The following KIF26B variants were observed in gnomAD, a reference collection of about 807,000 sequenced individuals.
KIF26B encodes kinesin family member 26B.
KIF26B carries 63 observed loss-of-function variants against 151.2 expected under a neutral mutation model. That is an observed-to-expected ratio of 0.42 (90% confidence interval 0.34 to 0.51). The LOEUF (loss-of-function observed/expected upper bound fraction) is 0.51. Ranked by LOEUF, KIF26B falls within the 20% of genes least tolerant of loss-of-function variation. The probability of loss-of-function intolerance (pLI) is 0.07; values close to 1 mark genes in which losing one functional copy is unlikely to be tolerated. For missense variants in KIF26B, 2,813 were observed against 2,913.6 expected (o/e 0.97, Z 0.79); for synonymous variants, 1,357 against 1,262.1 (o/e 1.08, Z -1.59).
At chr1:245,586,909 A>AAC (rs59105829) in intron 5 of KIF26B, among the ~76,000 whole-genome samples, 5 of 147,042 alleles carry the variant, frequency 3.4e-5, no homozygotes, top group Admixed American at 1.3e-4. Context: ...AAAAAAAAAA[A>AAC]CATCAAACAA....
intron 2 of KIF26B, among the ~76,000 whole-genome samples, chr1:245,332,692 T>C (rs545569737): frequency 2.2e-4 from 33 of 152,290 alleles, no homozygotes; most frequent in Non-Finnish European, 3.8e-4. Flanking sequence ...ATGTGTGTCA[T>C]GCTTTGCACA....
At chr1:245,283,401 A>G (rs1671100950) in intron 2 of KIF26B, among the ~76,000 whole-genome samples, 1 of 151,968 alleles carries the variant, frequency 6.6e-6, no homozygotes, top group Admixed American at 6.6e-5. Flanking sequence ...CCCCTAAACC[A>G]TTCATGATGA....
chr1:245,387,355 C>T (rs559111723), intron 3 of KIF26B, among the ~76,000 whole-genome samples: 17 of 139,832 alleles, frequency 1.2e-4, no homozygotes, highest in South Asian at 2.4e-4. Flanking sequence ...ATTAGAGATG[C>T]GGTTTTACCA....
rs1201570093 is a variant in KIF26B, at chr1:245,709,129, CCCTTGGCAGGCTAGTTTTGTGCATGGG to C, written c.*6528_*6554del. On this transcript the variant is annotated 3_prime_UTR_variant, in exon 15 of 15. Coordinates refer to ENST00000407071, the MANE Select transcript of KIF26B (RefSeq NM_018012.4). Reference sequence around the variant, plus strand: ...CTGTACTTGGGCAGGTCCCAGCAGCCCCTTGGCAGGCTAGTTTTGTGCATGGGCCTTTGCAAGCTATATAAACGTTAG... The same window carrying C: ...CTGTACTTGGGCAGGTCCCAGCAGCCCCTTTGCAAGCTATATAAACGTTAG... 1 of 152,174 alleles carries C rather than the reference CCCTTGGCAGGCTAGTTTTGTGCATGGG, an allele frequency of 6.6e-6. No homozygotes were observed. The highest frequency in any genetic ancestry group is 1.5e-5 in the Non-Finnish European group (1 of 68,032). The allele number at this position is 152,174 out of a possible 1,614,324, so 9.4% of individuals were successfully genotyped here. A position where few individuals can be genotyped will look rare whatever the true frequency, so the allele number is the denominator to read the frequency against.
At chr1:245,556,701 G>GTT (rs367572255) in intron 5 of KIF26B, among the ~76,000 whole-genome samples, 2 of 146,866 alleles carry the variant, frequency 1.4e-5, no homozygotes, top group Non-Finnish European at 3.1e-5. Flanking sequence ...TGCATCTGGT[G>GTT]TTTTTGTTGT....
chr1:245,280,331 G>A (rs1224334214), intron 2 of KIF26B, among the ~76,000 whole-genome samples: 1 of 148,402 alleles, frequency 6.7e-6, no homozygotes, highest in African/African-American at 2.5e-5. Flanking sequence ...GGCTAACACG[G>A]TGAAACCCGT....
Position 245,155,373 on chromosome 1 carries a change from C to T in KIF26B, c.-52C>T. On this transcript the variant is annotated 5_prime_UTR_variant, in exon 1 of 15. Transcript: ENST00000407071. ...GGACGCTTCTGGGTTGGAGGACCTT[C>T]TGGATGTAGCGTCGGTGGAACCTTT... 1 of 1,480,310 alleles carries T rather than the reference C, an allele frequency of 6.8e-7. No individual in the cohort carries two copies. The allele number at this position is 1,480,310 out of a possible 1,614,324, so 91.7% of individuals were successfully genotyped here.
At chr1:245,532,458 G>A (rs922202551) in intron 4 of KIF26B, among the ~76,000 whole-genome samples, 3 of 151,852 alleles carry the variant, frequency 2.0e-5, no homozygotes, top group Non-Finnish European at 4.4e-5. Context: ...TGTTAGCCAG[G>A]ATGGTCTCGA....
intron 4 of KIF26B, among the ~76,000 whole-genome samples, chr1:245,465,816 G>A (rs1455663551): frequency 3.3e-5 from 5 of 152,156 alleles, no homozygotes; most frequent in Admixed American, 2.6e-4. Flanking sequence ...GGGAGGACCC[G>A]GGAGCATCAG....
intron 2 of KIF26B, among the ~76,000 whole-genome samples, chr1:245,297,279 G>T (rs1199066986): frequency 6.6e-6 from 1 of 152,200 alleles, no homozygotes; most frequent in African/African-American, 2.4e-5. Flanking sequence ...GGAGGTAGAG[G>T]TTGCAATGAG....
intron 2 of KIF26B, among the ~76,000 whole-genome samples, chr1:245,333,105 A>T (rs1312271374): frequency 6.6e-6 from 1 of 152,168 alleles, no homozygotes; most frequent in African/African-American, 2.4e-5. Context: ...GGCTGGATTG[A>T]TAGAATACTG....
intron 4 of KIF26B, among the ~76,000 whole-genome samples, chr1:245,502,254 A>G (rs1361482402): frequency 6.6e-6 from 1 of 151,990 alleles, no homozygotes; most frequent in Non-Finnish European, 1.5e-5. Flanking sequence ...GCAGGCTGGG[A>G]AGGGTGGCTC....
chr1:245,497,236 A>G (rs1660532446), intron 4 of KIF26B, among the ~76,000 whole-genome samples: 1 of 152,182 alleles, frequency 6.6e-6, no homozygotes, highest in Non-Finnish European at 1.5e-5. Flanking sequence ...AGAAGAAACC[A>G]GTCTGTAATC....
intron 4 of KIF26B, among the ~76,000 whole-genome samples, chr1:245,468,446 G>T (rs1265299881): frequency 1.3e-5 from 2 of 152,106 alleles, no homozygotes; most frequent in Non-Finnish European, 2.9e-5. Context: ...CTTATTTCAG[G>T]CATCCTTTTT....
chr1:245,405,716 T>C (rs976176347), intron 3 of KIF26B, among the ~76,000 whole-genome samples: 10 of 151,886 alleles, frequency 6.6e-5, no homozygotes, highest in African/African-American at 2.4e-4. Context: ...TCCCACCAAG[T>C]TGGGCTTCTG....
intron 2 of KIF26B, among the ~76,000 whole-genome samples, chr1:245,301,724 C>T (rs1671432119): frequency 6.6e-6 from 1 of 152,178 alleles, no homozygotes; most frequent in African/African-American, 2.4e-5. Flanking sequence ...ATGCTTACCG[C>T]TAAGTGAATC....
At chr1:245,386,559 G>A (rs1673550885) in intron 3 of KIF26B, among the ~76,000 whole-genome samples, 2 of 150,538 alleles carry the variant, frequency 1.3e-5, no homozygotes, top group African/African-American at 5.0e-5. Flanking sequence ...CATACAGGAT[G>A]TGTTTGCCTC....
intron 4 of KIF26B, among the ~76,000 whole-genome samples, chr1:245,424,029 T>G (rs918079907): frequency 2.0e-5 from 3 of 152,018 alleles, no homozygotes; most frequent in African/African-American, 2.4e-5. Context: ...TTTGAAGAGA[T>G]GAGTCTCCCT....
intron 10 of KIF26B, among the ~76,000 whole-genome samples, chr1:245,680,746 C>CATTGAATTGGTTT: frequency 6.6e-6 from 1 of 152,150 alleles, no homozygotes; most frequent in Non-Finnish European, 1.5e-5. Flanking sequence ...ATTTGTAACC[C>CATTGAATTGGTTT]CAAAATCAAT....
Sources: allele counts gnomAD v4.1 joint callset (sites outside exome capture counted in the v4.1 genomes callset), GRCh38; gene constraint gnomAD v4.1.1; transcripts MANE v1.5; gene names NCBI Gene and HGNC (gene_info 2026-07-23, HGNC 2026-07-21).